The following SLIT2 variants were observed in gnomAD, a reference collection of about 807,000 sequenced individuals.
SLIT2 encodes the protein slit guidance ligand 2.
In SLIT2, 41 loss-of-function variants were observed where a neutral mutation model predicts 185.7. The observed-to-expected ratio is 0.22, with a 90% CI of 0.17 to 0.29. The LOEUF (loss-of-function observed/expected upper bound fraction) is 0.29, where lower values mean the gene tolerates loss of function less well. Among genes scored for constraint, SLIT2 ranks in the 10% least tolerant of loss-of-function variants. The pLI is 1.00. For missense variants in SLIT2, 1,571 were observed against 1,909.0 expected, an observed-to-expected ratio of 0.82 and a Z score of 3.30; for synonymous variants, 693 against 680.2, an observed-to-expected ratio of 1.02 and a Z score of -0.29.
chr4:20,564,091 T>C (rs1384135808), intron 26 of SLIT2, among the ~76,000 whole-genome samples: 2 of 151,806 alleles, frequency 1.3e-5, no homozygotes, highest in Non-Finnish European at 2.9e-5. Flanking sequence ...TTTTATGACT[T>C]TATTTGGCAT....
chr4:20,400,725 G>A (rs1047573760), intron 4 of SLIT2, among the ~76,000 whole-genome samples: 4 of 151,578 alleles, frequency 2.6e-5, no homozygotes, highest in Non-Finnish European at 4.4e-5. Context: ...TAAGGAATGC[G>A]GGCATTTAAT....
chr4:20,376,474 A>G (rs1724031683), intron 4 of SLIT2, among the ~76,000 whole-genome samples: 1 of 152,048 alleles, frequency 6.6e-6, no homozygotes. Context: ...TCTTTCAGTT[A>G]CCCAAAAATT....
chr4:20,343,842 C>CTAT (rs1190393106), intron 4 of SLIT2, among the ~76,000 whole-genome samples: 1 of 146,782 alleles, frequency 6.8e-6, no homozygotes, highest in Non-Finnish European at 1.5e-5. Context: ...ATTCAGTAAT[C>CTAT]TATTATTATT....
At chr4:20,519,857 C>T (rs1038405613) in intron 12 of SLIT2, among the ~76,000 whole-genome samples, 4 of 151,402 alleles carry the variant, frequency 2.6e-5, no homozygotes, top group Non-Finnish European at 5.9e-5. Context: ...ACGGTGAAAC[C>T]CCATCTCTAC....
At chr4:20,303,757 G>A (rs1717277155) in intron 4 of SLIT2, among the ~76,000 whole-genome samples, 1 of 152,212 alleles carries the variant, frequency 6.6e-6, no homozygotes. Context: ...ATAGCAGAGT[G>A]TACGTGAATG....
Position 20,551,493 on chromosome 4 carries a change from A to G in SLIT2, c.2561+595A>G, listed in dbSNP as rs144778563. Reference sequence around the variant, plus strand: ...GGAAGTACAGTATAACCATTTGAAAATATGTGATAAGTGTGGTCCAAAAAA... The same window carrying G: ...GGAAGTACAGTATAACCATTTGAAAGTATGTGATAAGTGTGGTCCAAAAAA... On this transcript the variant is annotated intron_variant, in intron 25 of 36. Coordinates refer to ENST00000504154, the MANE Select transcript of SLIT2 (RefSeq NM_004787.4). 1.7e-3 allele frequency among the ~76,000 whole-genome samples: 256 copies of G among 152,270 alleles called. 1 individual carries two copies. The highest frequency in any genetic ancestry group is 3.0e-3 in the Non-Finnish European group (207 of 68,022).
At chr4:20,577,150 T>C (rs942570425) in intron 29 of SLIT2, among the ~76,000 whole-genome samples, 3 of 152,160 alleles carry the variant, frequency 2.0e-5, no homozygotes, top group African/African-American at 7.2e-5. Flanking sequence ...TCAGTTCAAA[T>C]ATTTCTCAGT....
rs376005331 is a variant in SLIT2 at position 20,595,757 on chromosome 4, A to G, written c.3243A>G (p.Gln1081=). The G allele has an allele frequency of 6.1e-5, 98 of 1,614,032 alleles. No individual in the cohort carries two copies. The highest frequency in any genetic ancestry group is 8.0e-5 in the Non-Finnish European group (94 of 1,180,014). The change falls in exon 31 of 37, where the codon CAA becomes CAG. Residue 1081 remains glutamine (Q), a synonymous_variant. Coordinates refer to ENST00000504154, the MANE Select transcript of SLIT2 (RefSeq NM_004787.4). ...EHCDIDFDDC[Q]DNKCKNGAHC... The stretch of plus-strand genomic sequence containing the variant: ...GCGACATCGATTTTGACGACTGCCA[A>G]GACAACAAGTGTAAAAACGGAGCCC...
chr4:20,552,388 A>C (rs1231407617), intron 25 of SLIT2: 1 of 148,320 alleles, frequency 6.7e-6, no homozygotes, highest in Non-Finnish European at 1.5e-5. Context: ...CTTTATATAT[A>C]TAAAGAAATT....
chr4:20,580,356 A>G (rs1726453547), intron 29 of SLIT2, among the ~76,000 whole-genome samples: 1 of 151,474 alleles, frequency 6.6e-6, no homozygotes, highest in African/African-American at 2.4e-5. Flanking sequence ...GTAAAGTAAT[A>G]AAACACTTTC....
chr4:20,520,161 C>T (rs956122873), intron 12 of SLIT2, among the ~76,000 whole-genome samples: 1 of 151,368 alleles, frequency 6.6e-6, no homozygotes, highest in Admixed American at 6.6e-5. Flanking sequence ...CTGTAACACA[C>T]AATAGTCCTC....
chr4:20,441,519 G>GTCTC (rs376556054), intron 4 of SLIT2, among the ~76,000 whole-genome samples: 6,089 of 107,934 alleles, frequency 0.056, 201 homozygotes, highest in Non-Finnish European at 0.083. Flanking sequence ...CCCCACTTCT[G>GTCTC]TCTCTCTCTC....
At chr4:20,500,716 TA>T (rs1718653097) in intron 9 of SLIT2, among the ~76,000 whole-genome samples, 1 of 152,192 alleles carries the variant, frequency 6.6e-6, no homozygotes, top group Non-Finnish European at 1.5e-5. Flanking sequence ...AAAATTCTTT[TA>T]ATTTTTTTGT....
rs1329581698 is a variant in SLIT2 at position 20,288,902 on chromosome 4, G to A, written c.395+20021G>A. On this transcript the variant is annotated intron_variant, in intron 4 of 36. Transcript: ENST00000504154. The stretch of plus-strand genomic sequence containing the variant: ...AGGGAAGAAGGGAGGGCAAAAGAGA[G>A]CATAGGAGATATCTCCCCTCAAGAT... Among the ~76,000 whole-genome samples the A allele has an allele frequency of 7.9e-5, 12 of 152,204 alleles. 1 individual carries two copies. The highest frequency in any genetic ancestry group is 1.8e-4 in the Non-Finnish European group (12 of 68,038).
intron 4 of SLIT2, among the ~76,000 whole-genome samples, chr4:20,389,111 A>G (rs1725206043): frequency 6.6e-6 from 1 of 150,868 alleles, no homozygotes; most frequent in African/African-American, 2.4e-5. Flanking sequence ...TGGTGGGTAG[A>G]CATTACTATT....
intron 4 of SLIT2, chr4:20,393,307 T>G (rs1185852486): frequency 6.6e-6 from 1 of 152,072 alleles, no homozygotes; most frequent in African/African-American, 2.4e-5. Context: ...AAGCAGCAAA[T>G]AGAAGCCTAA....
chr4:20,355,211 C>G (rs1476158463), intron 4 of SLIT2, among the ~76,000 whole-genome samples: 1 of 152,126 alleles, frequency 6.6e-6, no homozygotes, highest in Non-Finnish European at 1.5e-5. Flanking sequence ...TGCATTTCTT[C>G]TGGCTGAATG....
Position 20,524,188 on chromosome 4 carries a change from C to T in SLIT2, c.1438+11C>T. 1 of 1,613,172 alleles carries T rather than the reference C, an allele frequency of 6.2e-7. No homozygotes were observed. ...AATTCCGTTGTTCAGGTAATTTCTTCACGTGTTATTTCCCCTGTGACCAAC... is the reference window on the plus strand; with the variant it reads ...AATTCCGTTGTTCAGGTAATTTCTTTACGTGTTATTTCCCCTGTGACCAAC... On this transcript the variant is annotated intron_variant, in intron 14 of 36. Coordinates refer to ENST00000504154, the MANE Select transcript of SLIT2 (RefSeq NM_004787.4).
chr4:20,562,496 C>A lies in SLIT2; in HGVS notation c.2726-4766C>A, dbSNP rs138968994. Among the ~76,000 whole-genome samples the A allele has an allele frequency of 7.0e-4, 107 of 151,880 alleles. 1 individual carries two copies. The highest frequency in any genetic ancestry group is 3.4e-3 in the Middle Eastern group (1 of 294). ...GAAACTTGAAACACATATTCTAAGACATGCATTCTCATTCCCCACATCCAC... is the reference window on the plus strand; with the variant it reads ...GAAACTTGAAACACATATTCTAAGAAATGCATTCTCATTCCCCACATCCAC... On this transcript the variant is annotated intron_variant, in intron 26 of 36. Coordinates refer to ENST00000504154, the MANE Select transcript of SLIT2 (RefSeq NM_004787.4).
Sources: allele counts gnomAD v4.1 joint callset (sites outside exome capture counted in the v4.1 genomes callset), GRCh38; gene constraint gnomAD v4.1.1; transcripts MANE v1.5; gene names NCBI Gene and HGNC (gene_info 2026-07-23, HGNC 2026-07-21).